The following FGGY variants were observed in gnomAD, a reference collection of about 807,000 sequenced individuals.
The protein encoded by FGGY is FGGY carbohydrate kinase domain containing.
FGGY carries 72 observed loss-of-function variants against 71.3 expected under a neutral mutation model. The observed-to-expected ratio is 1.01, with a 90% CI of 0.84 to 1.23. The LOEUF is 1.23. FGGY is among the 50% of genes most tolerant of loss of function. The pLI, the probability that FGGY is intolerant of heterozygous loss-of-function variation, is 0.00. For synonymous variants in FGGY, 251 were observed against 250.3 expected, an observed-to-expected ratio of 1.00 and a Z score of -0.02; for missense variants, 668 against 682.3, an observed-to-expected ratio of 0.98 and a Z score of 0.23.
chr1:59,672,782 A>G (rs1351662163), intron 13 of FGGY, among the ~76,000 whole-genome samples: 1 of 152,178 alleles, frequency 6.6e-6, no homozygotes, highest in Non-Finnish European at 1.5e-5. Context: ...GCTTGAGTAG[A>G]AGACAGTTTT....
chr1:59,672,124 A>G (rs1211861918), intron 13 of FGGY, among the ~76,000 whole-genome samples: 2 of 152,202 alleles, frequency 1.3e-5, no homozygotes, highest in East Asian at 1.9e-4. Context: ...GGATTCTTCA[A>G]CGGCTTGCAG....
At chr1:59,699,483 C>T (rs2097692286) in intron 14 of FGGY, 1 of 828,386 alleles carries the variant, frequency 1.2e-6, no homozygotes, top group African/African-American at 1.9e-5. Flanking sequence ...AAAAACAACC[C>T]CTCTGCTCTT....
At chr1:59,738,181 C>T (rs2098120958) in intron 14 of FGGY, among the ~76,000 whole-genome samples, 1 of 152,176 alleles carries the variant, frequency 6.6e-6, no homozygotes, top group Non-Finnish European at 1.5e-5. Context: ...AAAACGTTCT[C>T]ACAGAAACTC....
intron 6 of FGGY, among the ~76,000 whole-genome samples, chr1:59,469,212 A>G (rs1041075107): frequency 6.6e-6 from 1 of 152,210 alleles, no homozygotes; most frequent in Admixed American, 6.5e-5. Flanking sequence ...AGAAGAAAGT[A>G]TTAGTTCTTT....
chr1:59,572,597 G>A (rs1013028448), intron 8 of FGGY, among the ~76,000 whole-genome samples: 7 of 152,188 alleles, frequency 4.6e-5, no homozygotes, highest in African/African-American at 1.7e-4. Context: ...TAGGAAACCA[G>A]AAGAAGACTG....
chr1:59,555,567 CAG>C (rs1182209614), intron 8 of FGGY, among the ~76,000 whole-genome samples: 1 of 152,238 alleles, frequency 6.6e-6, no homozygotes, highest in Non-Finnish European at 1.5e-5. Context: ...AGAAAGCAAA[CAG>C]TGGCTGACTC....
At chr1:59,698,878 G>A in intron 14 of FGGY, 2 of 985,366 alleles carry the variant, frequency 2.0e-6, no homozygotes, top group Non-Finnish European at 2.4e-6. Flanking sequence ...AAACTGAATT[G>A]TACATGTCGT....
At chr1:59,472,414 G>A (rs937060668) in intron 6 of FGGY, among the ~76,000 whole-genome samples, 2 of 152,178 alleles carry the variant, frequency 1.3e-5, no homozygotes, top group Non-Finnish European at 2.9e-5. Context: ...GACGAGCGCC[G>A]CCCCCTGCTC....
At chr1:59,458,128 C>T (rs991659731) in intron 6 of FGGY, among the ~76,000 whole-genome samples, 1 of 152,220 alleles carries the variant, frequency 6.6e-6, no homozygotes, top group African/African-American at 2.4e-5. Flanking sequence ...CAAATTTCAG[C>T]TTCAGTTACC....
intron 14 of FGGY, among the ~76,000 whole-genome samples, chr1:59,721,139 C>G (rs1210080420): frequency 6.6e-6 from 1 of 152,282 alleles, no homozygotes; most frequent in Admixed American, 6.5e-5. Flanking sequence ...CTACCATTCT[C>G]TGTCCCCCTT....
intron 12 of FGGY, 54 bp from the exon 13 acceptor site, chr1:59,667,229 C>G (rs1228017396): frequency 2.5e-6 from 4 of 1,609,962 alleles, no homozygotes; most frequent in Non-Finnish European, 3.4e-6. Flanking sequence ...GAAGTGTTCC[C>G]TAGTGTTTAC....
chr1:59,579,538 A>G (rs561979593), intron 8 of FGGY, among the ~76,000 whole-genome samples: 16 of 152,294 alleles, frequency 1.1e-4, no homozygotes, highest in African/African-American at 3.6e-4. Context: ...ATGAAAGAAC[A>G]ATTCTATTCA....
At position 59,457,016 on chromosome 1, in the gene FGGY, G is replaced by T; in HGVS notation, c.610G>T (p.Asp204Tyr). ...WTYSAEKGWD[D>Y]SFWKMIGLED... ...ATATTCAGCAGAGAAAGGCTGGGAC[G>T]ACAGTTTCTGGAAAATGATTGGTTT... is the stretch of plus-strand genomic sequence containing the variant. The change falls in exon 6 of 16, where the codon GAC becomes TAC. Residue 204 changes from aspartate to tyrosine, a missense_variant. Asp to Tyr is a radical substitution (Grantham distance 160, BLOSUM62 -3). Coordinates refer to ENST00000303721, the MANE Select transcript of FGGY (RefSeq NM_018291.5). 1 of 1,614,100 alleles carries T rather than the reference G, an allele frequency of 6.2e-7. No homozygotes were observed.
chr1:59,737,376 G>T (rs1050219611), intron 14 of FGGY, among the ~76,000 whole-genome samples: 1 of 152,196 alleles, frequency 6.6e-6, no homozygotes, highest in African/African-American at 2.4e-5. Context: ...CTTACACCAT[G>T]TGCCTGAAAA....
intron 14 of FGGY, among the ~76,000 whole-genome samples, chr1:59,721,521 A>G (rs926084876): frequency 6.6e-6 from 1 of 151,668 alleles, no homozygotes; most frequent in East Asian, 1.9e-4. Context: ...TATTTTTCGT[A>G]GAGACAGGGT....
chr1:59,541,355 G>A (rs1329482813), intron 7 of FGGY, among the ~76,000 whole-genome samples: 1 of 152,126 alleles, frequency 6.6e-6, no homozygotes, highest in Non-Finnish European at 1.5e-5. Context: ...ATGGAGGGAG[G>A]ATATGGACAA....
At chr1:59,401,881 A>G (rs755289614) in intron 5 of FGGY, among the ~76,000 whole-genome samples, 7 of 152,196 alleles carry the variant, frequency 4.6e-5, no homozygotes, top group Non-Finnish European at 8.8e-5. Flanking sequence ...GGAGAGGAGG[A>G]GGAAGGAATG....
intron 11 of FGGY, among the ~76,000 whole-genome samples, chr1:59,654,376 A>G (rs2097199009): frequency 6.6e-6 from 1 of 152,090 alleles, no homozygotes; most frequent in Admixed American, 6.5e-5. Flanking sequence ...CAAGCAGAGC[A>G]TTTCTGCCTC....
chr1:59,469,957 C>T (rs1467824597), intron 6 of FGGY, among the ~76,000 whole-genome samples: 1 of 152,174 alleles, frequency 6.6e-6, no homozygotes, highest in African/African-American at 2.4e-5. Context: ...GCATAATAGT[C>T]CATGGTGTAC....
Sources: allele counts gnomAD v4.1 joint callset (sites outside exome capture counted in the v4.1 genomes callset), GRCh38; gene constraint gnomAD v4.1.1; transcripts MANE v1.5; gene names NCBI Gene and HGNC (gene_info 2026-07-23, HGNC 2026-07-21).